Variants in VPS37C observed in about 807,000 individuals in gnomAD.
The protein encoded by VPS37C is vacuolar protein sorting-associated protein 37C.
A neutral mutation model predicts 16.1 loss-of-function variants in VPS37C; 9 were observed. The ratio of observed to expected loss-of-function variants is 0.56; its 90% CI spans 0.34 to 0.97. The LOEUF (loss-of-function observed/expected upper bound fraction) is 0.97. Among genes scored for constraint, VPS37C ranks in the 50% least tolerant of loss-of-function variants. The pLI is 0.02. For synonymous variants in VPS37C, 207 were observed against 206.4 expected (o/e 1.00, Z -0.02); for missense variants, 479 against 472.7 (o/e 1.01, Z -0.12).
chr11:61,131,838 AGGCCCC>A lies in VPS37C; in HGVS notation c.1044_1049del (p.Gly349_Pro350del), dbSNP rs1240841129. ...AGTGTGTCTAATACCCAGGCCAGGC[AGGCCCC>A]GGCGGTGGTGGGAACCCATAGGGAG... On this transcript the variant is annotated inframe_deletion, in exon 5 of 5. Transcript: ENST00000301765. The A allele has an allele frequency of 2.3e-5, 29 of 1,240,952 alleles. No homozygotes were observed. The highest frequency in any genetic ancestry group is 2.5e-5 in the Non-Finnish European group (25 of 989,364). The allele number at this position is 1,240,952 out of a possible 1,614,324, so 76.9% of individuals were successfully genotyped here. A position where few individuals can be genotyped will look rare whatever the true frequency, so the allele number is the denominator to read the frequency against.
rs530418623 is a variant in VPS37C, at chr11:61,136,229, A to G, written c.94-2022T>C. ...TGCCCAGGCTGGAGTGCAATGGCGC[A>G]ATCTCGGCTCACTTCAACCTCTGCC... On this transcript the variant is annotated intron_variant, in intron 2 of 4. Coordinates refer to ENST00000301765, the MANE Select transcript of VPS37C (RefSeq NM_017966.5). Among the ~76,000 whole-genome samples, 51 of 148,634 alleles carry G rather than the reference A, an allele frequency of 3.4e-4. No individual in the cohort carries two copies. In the South Asian group the frequency reaches 0.011, roughly 31 times the overall value.
intron 1 of VPS37C, among the ~76,000 whole-genome samples, chr11:61,151,482 C>A (rs928495791): frequency 6.6e-6 from 1 of 152,218 alleles, no homozygotes; most frequent in African/African-American, 2.4e-5. Flanking sequence ...TGCTTACTGT[C>A]TGGGGAGACC....
chr11:61,132,739 A>T (rs914508159), intron 4 of VPS37C, 200 bp from the exon 5 acceptor site: 20 of 750,430 alleles, frequency 2.7e-5, no homozygotes, highest in Non-Finnish European at 4.2e-6. Flanking sequence ...CAGTCCCTTG[A>T]AGGCGAGGAC....
At chr11:61,142,825 G>C (rs1331492593) in intron 1 of VPS37C, among the ~76,000 whole-genome samples, 1 of 124,074 alleles carries the variant, frequency 8.1e-6, no homozygotes, top group Admixed American at 8.5e-5. Context: ...AGGGGGGGAG[G>C]GGTAGCATTG....
chr11:61,130,953 G>A lies in VPS37C; in HGVS notation c.*867C>T, dbSNP rs1266993164. On this transcript the variant is annotated 3_prime_UTR_variant, in exon 5 of 5. Coordinates refer to ENST00000301765, the MANE Select transcript of VPS37C (RefSeq NM_017966.5). ...GCACTAAAGGAGTGGATGGATGCGT[G>A]GGCCTCGGGCAAAGTCGCCCTAAAG... is the stretch of plus-strand genomic sequence containing the variant. The A allele has an allele frequency of 5.6e-6, 2 of 356,286 alleles. No homozygotes were observed. Among genetic ancestry groups the A allele is most frequent in the Non-Finnish European group, 1.1e-5 (2 of 187,110 alleles). 22.1% of individuals were successfully genotyped at this position (356,286 alleles called of 1,614,324 possible).
chr11:61,133,949 T>C, intron 3 of VPS37C, 87 bp downstream of exon 3: 1 of 1,465,682 alleles, frequency 6.8e-7, no homozygotes, highest in South Asian at 1.4e-5. Flanking sequence ...AAAATATACA[T>C]AAAGCACTTA....
chr11:61,132,402 A>C lies in VPS37C; in HGVS notation c.486T>G (p.Ala162=). 1 of 1,607,350 alleles carries C rather than the reference A, an allele frequency of 6.2e-7. No homozygotes were observed. Among genetic ancestry groups the C allele is most frequent in the Non-Finnish European group, 8.5e-7 (1 of 1,176,900 alleles). ...KLQEVVRKPR[A]SQELAGDAPP... ...GGGCATCGCCGGCCAGCTCCTGGGAAGCCCTGGGCTTCCTCACCACTTCCT... is the reference window on the plus strand; with the variant it reads ...GGGCATCGCCGGCCAGCTCCTGGGACGCCCTGGGCTTCCTCACCACTTCCT... The change falls in exon 5 of 5, where the codon GCT becomes GCG. Residue 162 remains alanine, a synonymous_variant. Transcript: ENST00000301765.
rs541215520 is a variant in VPS37C, at chr11:61,137,408, C to G, written c.93+1329G>C. Among the ~76,000 whole-genome samples, 280 of 152,340 alleles carry G rather than the reference C, an allele frequency of 1.8e-3. 3 individuals carry two copies. Among genetic ancestry groups the G allele is most frequent in the African/African-American group, 6.5e-3 (271 of 41,574 alleles). Reference sequence around the variant, plus strand: ...AGGTGTGGCTGCACACCACAAAATTCAAGTGCCTTCTGCCCAAGAGGTCGC... The same window carrying G: ...AGGTGTGGCTGCACACCACAAAATTGAAGTGCCTTCTGCCCAAGAGGTCGC... On this transcript the variant is annotated intron_variant, in intron 2 of 4. Coordinates refer to ENST00000301765, the MANE Select transcript of VPS37C (RefSeq NM_017966.5).
At chr11:61,156,193 T>C (rs1028936752) in intron 1 of VPS37C, among the ~76,000 whole-genome samples, 1 of 152,112 alleles carries the variant, frequency 6.6e-6, no homozygotes, top group Non-Finnish European at 1.5e-5. Context: ...TGAAAACAAA[T>C]AGCAAGAAGG....
At chr11:61,134,826 T>C (rs1397774921) in intron 2 of VPS37C, among the ~76,000 whole-genome samples, 1 of 152,210 alleles carries the variant, frequency 6.6e-6, no homozygotes, top group African/African-American at 2.4e-5. Context: ...ACCCTGGACA[T>C]TCCCTGCTGC....
chr11:61,141,602 G>A (rs1196221698), intron 1 of VPS37C, among the ~76,000 whole-genome samples: 1 of 152,118 alleles, frequency 6.6e-6, no homozygotes, highest in East Asian at 1.9e-4. Context: ...CCTGCCCCTC[G>A]CACAGGTGGA....
At chr11:61,134,614 G>A (rs1861333555) in intron 2 of VPS37C, among the ~76,000 whole-genome samples, 1 of 152,222 alleles carries the variant, frequency 6.6e-6, no homozygotes, top group Non-Finnish European at 1.5e-5. Context: ...AGAGTCAAGA[G>A]ACCTACCATG....
chr11:61,155,453 C>T lies in VPS37C; in HGVS notation c.-7+5938G>A, dbSNP rs144709409. Reference sequence around the variant, plus strand: ...GTTTGAGGCCACAGTGAGCTATGATCACGCCACTGCACTCTGGCCTGGATG... The same window carrying T: ...GTTTGAGGCCACAGTGAGCTATGATTACGCCACTGCACTCTGGCCTGGATG... On this transcript the variant is annotated intron_variant, in intron 1 of 4. Coordinates refer to ENST00000301765, the MANE Select transcript of VPS37C (RefSeq NM_017966.5). Among the ~76,000 whole-genome samples the T allele has an allele frequency of 8.4e-3, 1,281 of 152,064 alleles. 20 individuals carry two copies. Among genetic ancestry groups the T allele is most frequent in the Middle Eastern group, 0.027 (8 of 294 alleles).
chr11:61,138,748 C>A lies in VPS37C; in HGVS notation c.82G>T (p.Glu28Ter). Residue 28 changes from glutamate (E) to a stop codon, truncating the protein, a stop_gained, in exon 2 of 5, where the codon GAG becomes TAG. Transcript: ENST00000301765. LOFTEE classifies it high-confidence loss of function. ...CAGCCTCCCTCTACCTCAGGGGACT[C>A]CAGGGCCAGCTGGTCAATCGCCTCC... ...DSEAIDQLAL[E>*]SPEVQDLQLE... The A allele has an allele frequency of 3.7e-6, 6 of 1,614,140 alleles. No homozygotes were observed. Among genetic ancestry groups the A allele is most frequent in the Non-Finnish European group, 5.1e-6 (6 of 1,180,034 alleles).
Position 61,132,247 on chromosome 11 carries a change from G to C in VPS37C, c.641C>G (p.Pro214Arg), listed in dbSNP as rs112585118. The C allele has an allele frequency of 8.0e-4, 1,217 of 1,521,874 alleles. 8 individuals are homozygous for C. The African/African-American group carries it at 0.015, about 19-fold the overall frequency. The allele number at this position is 1,521,874 out of a possible 1,614,324, so 94.3% of individuals were successfully genotyped here. The change falls in exon 5 of 5, where the codon CCT (proline) becomes CGT (arginine). Residue 214 changes from proline to arginine, a missense_variant. Pro to Arg is a moderately radical substitution (Grantham distance 103, BLOSUM62 -2). Transcript: ENST00000301765. ...GGCTCCATGGGCAGTGGGGCCCACA[G>C]GCAGGCTGGGGGATGGGCTGTAGGG... is the stretch of plus-strand genomic sequence containing the variant. ...PLPYSPSPSL[P>R]VGPTAHGALP...
chr11:61,143,411 G>T (rs10897144), intron 1 of VPS37C: 129,967 of 136,992 alleles, frequency 0.95, 61,718 homozygotes, highest in East Asian at 1. Flanking sequence ...GGAGTCTTGT[G>T]CTGTCGCCCA....
chr11:61,142,975 T>TAAAAAAAAAAAAAAAAAAAAAAAAGA, intron 1 of VPS37C, among the ~76,000 whole-genome samples: 1 of 47,584 alleles, frequency 2.1e-5, no homozygotes, highest in East Asian at 6.5e-4. Flanking sequence ...AAAGAATAGC[T>TAAAAAAAAAAAAAAAAAAAAAAAAGA]AAAAAAAAAA....
chr11:61,150,643 G>A (rs985723471), intron 1 of VPS37C, among the ~76,000 whole-genome samples: 8 of 151,208 alleles, frequency 5.3e-5, no homozygotes, highest in African/African-American at 1.2e-4. Flanking sequence ...CAAACAGGTC[G>A]GGGGGAGCCC....
In VPS37C at chr11:61,133,258, G is replaced by T. The variant is rs147193090; in HGVS notation, c.345C>A (p.Ser115=). ...QVEGMKIEEE[S]EAMAEKFLEG... ...GGGTGTCGCCTCGCCCTCTCACCTC[G>T]GACTCTTCTTCGATCTTCATGCCTT... Residue 115 remains serine (S), a synonymous_variant, in exon 4 of 5, where the codon TCC becomes TCA. Coordinates refer to ENST00000301765, the MANE Select transcript of VPS37C (RefSeq NM_017966.5). 4 of 1,614,020 alleles carry T rather than the reference G, an allele frequency of 2.5e-6. No homozygotes were observed. Among genetic ancestry groups the T allele is most frequent in the Non-Finnish European group, 2.5e-6 (3 of 1,180,000 alleles).
Sources: gnomAD v4.1 joint callset for allele counts (sites outside exome capture counted in the v4.1 genomes callset) on GRCh38, gnomAD v4.1.1 for gene constraint, MANE v1.5 for transcripts, NCBI Gene and HGNC (gene_info 2026-07-23, HGNC 2026-07-21) for gene names.